Variants in SLC5A4 observed in about 807,000 individuals in gnomAD.
SLC5A4 encodes the protein solute carrier family 5 member 4.
SLC5A4 carries 55 observed loss-of-function variants against 70.3 expected under a neutral mutation model. The observed-to-expected ratio is 0.78, with a 90% CI of 0.63 to 0.98. The LOEUF (loss-of-function observed/expected upper bound fraction) is 0.98, where lower values mean the gene tolerates loss of function less well. Among genes scored for constraint, SLC5A4 ranks in the 50% least tolerant of loss-of-function variants. SLC5A4 has a pLI of 0.00. For missense variants in SLC5A4, 735 were observed against 839.2 expected, an observed-to-expected ratio of 0.88 and a Z score of 1.53; for synonymous variants, 268 against 305.7, an observed-to-expected ratio of 0.88 and a Z score of 1.29.
the SLC5A4 span, among the ~76,000 whole-genome samples, chr22:32,290,058 G>T: frequency 7.1e-6 from 1 of 139,878 alleles, no homozygotes; most frequent in Non-Finnish European, 1.6e-5. Context: ...GGTTGAATTT[G>T]TAGGGCCTGG....
the SLC5A4 span, chr22:32,270,254 C>CT: frequency 1.4e-6 from 1 of 716,990 alleles, no homozygotes; most frequent in South Asian, 1.4e-5. Context: ...ATGGGTGAGC[C>CT]TGCCTTCCTG....
At chr22:32,270,794 G>C in the SLC5A4 span, 1 of 599,416 alleles carries the variant, frequency 1.7e-6, no homozygotes, top group South Asian at 1.6e-5. Context: ...GCCGACGGCC[G>C]CGTCACCATG....
the SLC5A4 span, among the ~76,000 whole-genome samples, chr22:32,262,467 C>T: frequency 5.3e-5 from 8 of 152,162 alleles, no homozygotes; most frequent in African/African-American, 1.9e-4. Context: ...GGCCCACCTT[C>T]TAGGGGCAGG....
intron 3 of SLC5A4, among the ~76,000 whole-genome samples, chr22:32,250,154 C>G (rs944172373): frequency 1.4e-4 from 21 of 152,072 alleles, no homozygotes; most frequent in African/African-American, 4.8e-4. Flanking sequence ...TGAGAAAAAT[C>G]TTAGAGGTGA....
intron 2 of SLC5A4, among the ~76,000 whole-genome samples, chr22:32,253,040 A>G (rs1327562172): frequency 6.6e-6 from 1 of 152,200 alleles, no homozygotes; most frequent in African/African-American, 2.4e-5. Flanking sequence ...ATGTTTCACT[A>G]AACAGTCCTA....
At chr22:32,280,179 C>A in the SLC5A4 span, among the ~76,000 whole-genome samples, 1 of 152,146 alleles carries the variant, frequency 6.6e-6, no homozygotes, top group Non-Finnish European at 1.5e-5. Context: ...CCATGCCTGG[C>A]TAATTTGTGT....
At chr22:32,342,365 C>A in the SLC5A4 span, among the ~76,000 whole-genome samples, 1 of 151,842 alleles carries the variant, frequency 6.6e-6, no homozygotes, top group Non-Finnish European at 1.5e-5. Context: ...ATGGAAGAAG[C>A]AAATCTTGAC....
Position 32,242,475 on chromosome 22 carries a change from C to T in SLC5A4, c.478-3385G>A, listed in dbSNP as rs375751515. On this transcript the variant is annotated intron_variant, in intron 5 of 14. Coordinates refer to ENST00000266086, the MANE Select transcript of SLC5A4 (RefSeq NM_014227.3). Reference sequence around the variant, plus strand: ...CTGTAATCCCAGCACTTTGGGAGGCCAAGGCGGGCAGATCACGAGATCAGG... The same window carrying T: ...CTGTAATCCCAGCACTTTGGGAGGCTAAGGCGGGCAGATCACGAGATCAGG... 6.6e-5 allele frequency among the ~76,000 whole-genome samples: 10 copies of T among 152,210 alleles called. No homozygotes were observed. The South Asian group carries it at 1.9e-3, about 28-fold the overall frequency.
the SLC5A4 span, among the ~76,000 whole-genome samples, chr22:32,312,105 G>C: frequency 1.3e-5 from 2 of 152,132 alleles, no homozygotes; most frequent in Admixed American, 6.5e-5. Flanking sequence ...TGGTCAGCCT[G>C]AGATGCGTCC....
the SLC5A4 span, among the ~76,000 whole-genome samples, chr22:32,336,578 G>A: frequency 2.0e-5 from 3 of 152,200 alleles, no homozygotes; most frequent in Non-Finnish European, 4.4e-5. Flanking sequence ...TGCCTGTTAG[G>A]AGCTTGGGCT....
At chr22:32,270,687 G>C in the SLC5A4 span, 8 of 693,388 alleles carry the variant, frequency 1.2e-5, no homozygotes, top group African/African-American at 1.2e-4. Flanking sequence ...GCATCCACCT[G>C]CTGGAAGGAA....
Position 32,240,372 on chromosome 22 carries a change from G to A in SLC5A4, c.478-1282C>T, listed in dbSNP as rs184955663. On this transcript the variant is annotated intron_variant, in intron 5 of 14. Transcript: ENST00000266086. ...GGAAGTACATTTTCTTATCTACACT[G>A]TTTGGCTCAGCATAATTAACATGAA... is the stretch of plus-strand genomic sequence containing the variant. Among the ~76,000 whole-genome samples the A allele has an allele frequency of 2.9e-3, 447 of 152,118 alleles. 3 individuals carry two copies. Among genetic ancestry groups the A allele is most frequent in the African/African-American group, 0.01 (427 of 41,488 alleles).
chr22:32,351,434 T>G, the SLC5A4 span, among the ~76,000 whole-genome samples: 1 of 151,472 alleles, frequency 6.6e-6, no homozygotes, highest in African/African-American at 2.4e-5. Context: ...GCCGGCGAGG[T>G]GGCTCACGCC....
At chr22:32,339,910 G>A in the SLC5A4 span, among the ~76,000 whole-genome samples, 3 of 152,222 alleles carry the variant, frequency 2.0e-5, no homozygotes, top group Non-Finnish European at 4.4e-5. Context: ...GGACCCCCGA[G>A]GTTCTGCCCT....
chr22:32,354,043 A>G, the SLC5A4 span, among the ~76,000 whole-genome samples: 8 of 137,816 alleles, frequency 5.8e-5, no homozygotes, highest in Admixed American at 5.7e-4. Context: ...CCGATAGCGC[A>G]CCCAACCCGC....
the SLC5A4 span, among the ~76,000 whole-genome samples, chr22:32,350,610 ATTTTTTCTATATGC>A: frequency 6.6e-6 from 1 of 152,118 alleles, no homozygotes; most frequent in Non-Finnish European, 1.5e-5. Flanking sequence ...CGGTATTCAA[ATTTTTTCTATATGC>A]TTTAAAACAC....
the SLC5A4 span, among the ~76,000 whole-genome samples, chr22:32,307,883 C>T: frequency 6.6e-6 from 1 of 152,176 alleles, no homozygotes; most frequent in Admixed American, 6.5e-5. Context: ...CTCTGATACC[C>T]ACCACGTGAG....
the SLC5A4 span, among the ~76,000 whole-genome samples, chr22:32,339,919 C>T: frequency 6.6e-6 from 1 of 152,242 alleles, no homozygotes; most frequent in South Asian, 2.1e-4. Flanking sequence ...AGGTTCTGCC[C>T]TGGGGATGGG....
chr22:32,354,658 C>T, the SLC5A4 span, among the ~76,000 whole-genome samples: 27 of 151,648 alleles, frequency 1.8e-4, no homozygotes, highest in Admixed American at 2.6e-4. Flanking sequence ...CCCCCAGCCA[C>T]GGGCAGCGCA....
Sources: gnomAD v4.1 joint callset for allele counts (sites outside exome capture counted in the v4.1 genomes callset) on GRCh38, gnomAD v4.1.1 for gene constraint, MANE v1.5 for transcripts, NCBI Gene and HGNC (gene_info 2026-07-23, HGNC 2026-07-21) for gene names.